LRFN2: variants seen among roughly 807,000 people sequenced by gnomAD.
LRFN2 encodes leucine rich repeat and fibronectin type III domain containing 2.
Under a neutral mutation model 37.3 loss-of-function variants are expected in LRFN2, and 18 were observed. The observed-to-expected ratio is 0.48, with a 90% CI of 0.33 to 0.72. The LOEUF is 0.72. LRFN2 is among the 30% of genes least tolerant of loss of function. The probability of loss-of-function intolerance (pLI) is 0.02; values close to 1 mark genes in which losing one functional copy is unlikely to be tolerated. For missense variants in LRFN2, 1,006 were observed against 1,060.7 expected (o/e 0.95, Z 0.72); for synonymous variants, 556 against 466.6 (o/e 1.19, Z -2.47).
chr6:40,445,788 G>A (rs1763955848), intron 1 of LRFN2, among the ~76,000 whole-genome samples: 1 of 152,152 alleles, frequency 6.6e-6, no homozygotes, highest in South Asian at 2.1e-4. Context: ...TTCAATCCTG[G>A]CCTGCCTCTT....
At chr6:40,558,507 C>G (rs1000820470) in intron 1 of LRFN2, among the ~76,000 whole-genome samples, 1 of 152,050 alleles carries the variant, frequency 6.6e-6, no homozygotes, top group African/African-American at 2.4e-5. Context: ...AGTCAGTGAG[C>G]TGAGGGTGAA....
intron 2 of LRFN2, among the ~76,000 whole-genome samples, chr6:40,431,509 C>T (rs1581699085): frequency 6.6e-6 from 1 of 152,190 alleles, no homozygotes; most frequent in Non-Finnish European, 1.5e-5. Context: ...TCAGGCTGCC[C>T]GTGTGGATTC....
At chr6:40,470,942 C>T (rs151103022) in intron 1 of LRFN2, among the ~76,000 whole-genome samples, 3 of 152,300 alleles carry the variant, frequency 2.0e-5, no homozygotes, top group East Asian at 3.9e-4. Flanking sequence ...CCTCATCCTA[C>T]GGAGGATTGC....
chr6:40,443,792 C>T lies in LRFN2; in HGVS notation c.-18-10661G>A, dbSNP rs142125033. Reference sequence around the variant, plus strand: ...GGGTGGGGGAACAAAGAAGAGGTGGCATAGCACCCAGTGGGTGGCAACAGA... The same window carrying T: ...GGGTGGGGGAACAAAGAAGAGGTGGTATAGCACCCAGTGGGTGGCAACAGA... On this transcript the variant is annotated intron_variant, in intron 1 of 2. Coordinates refer to ENST00000338305, the MANE Select transcript of LRFN2 (RefSeq NM_020737.3). 5.6e-4 allele frequency among the ~76,000 whole-genome samples: 86 copies of T among 152,242 alleles called. No homozygotes were observed. In the East Asian group the frequency reaches 0.01, roughly 18 times the overall value.
chr6:40,539,866 G>A (rs1234819288), intron 1 of LRFN2, among the ~76,000 whole-genome samples: 2 of 152,098 alleles, frequency 1.3e-5, no homozygotes. Context: ...GTAGGTCATC[G>A]ATGTCATGAT....
At chr6:40,556,716 G>GACAC (rs35308131) in intron 1 of LRFN2, among the ~76,000 whole-genome samples, 2,533 of 120,872 alleles carry the variant, frequency 0.021, 66 homozygotes, top group South Asian at 0.051. Flanking sequence ...TACCTACATA[G>GACAC]ACACACACAC....
Position 40,432,965 on chromosome 6 carries a change from A to G in LRFN2, c.149T>C (p.Ile50Thr). Reference protein sequence around the residue: ...SKGLLFVPPDIDRRTVELRLG... With the variant: ...SKGLLFVPPDTDRRTVELRLG... ...GCGCAGCTCCACTGTCCGCCGGTCA[A>G]TATCAGGGGGTACAAAGAGCAGCCC... Residue 50 changes from isoleucine to threonine, a missense_variant, in exon 2 of 3, where the codon ATT becomes ACT. Coordinates refer to ENST00000338305, the MANE Select transcript of LRFN2 (RefSeq NM_020737.3). 6.2e-7 allele frequency: 1 copy of G among 1,613,472 alleles called. No individual in the cohort carries two copies. Among genetic ancestry groups the G allele is most frequent in the Non-Finnish European group, 8.5e-7 (1 of 1,179,574 alleles).
intron 2 of LRFN2, among the ~76,000 whole-genome samples, chr6:40,414,381 C>A (rs1230582383): frequency 1.3e-5 from 2 of 152,118 alleles, no homozygotes; most frequent in African/African-American, 4.8e-5. Context: ...TGCCTCAGTT[C>A]CCCCCTCCTC....
chr6:40,448,893 A>G (rs773329526), intron 1 of LRFN2, among the ~76,000 whole-genome samples: 35 of 152,294 alleles, frequency 2.3e-4, no homozygotes, highest in Non-Finnish European at 4.1e-4. Flanking sequence ...CTGTTTTGCC[A>G]AAGGAAGGAA....
intron 1 of LRFN2, among the ~76,000 whole-genome samples, chr6:40,531,888 C>T (rs1172974600): frequency 6.6e-6 from 1 of 152,180 alleles, no homozygotes; most frequent in Non-Finnish European, 1.5e-5. Context: ...GTGCCACTTT[C>T]TGTCCAAGAA....
chr6:40,525,978 C>T (rs2504844), intron 1 of LRFN2, among the ~76,000 whole-genome samples: 1 of 152,186 alleles, frequency 6.6e-6, no homozygotes, highest in Non-Finnish European at 1.5e-5. Flanking sequence ...CACGAAGGCA[C>T]GAGATCGGTG....
chr6:40,567,793 G>A (rs1195818497), intron 1 of LRFN2, among the ~76,000 whole-genome samples: 3 of 152,164 alleles, frequency 2.0e-5, no homozygotes, highest in East Asian at 1.9e-4. Context: ...GTTCTGACAG[G>A]GTCAAGGGGC....
At chr6:40,421,740 G>A (rs1763233515) in intron 2 of LRFN2, among the ~76,000 whole-genome samples, 1 of 152,130 alleles carries the variant, frequency 6.6e-6, no homozygotes, top group Non-Finnish European at 1.5e-5. Context: ...GGTTAACTTT[G>A]GAATGCTCTT....
intron 2 of LRFN2, among the ~76,000 whole-genome samples, chr6:40,410,198 A>T (rs973557908): frequency 1.3e-5 from 2 of 152,150 alleles, no homozygotes; most frequent in East Asian, 3.9e-4. Flanking sequence ...AGCCATCCTC[A>T]TGTCCAGGCT....
chr6:40,520,676 C>A (rs1277959527), intron 1 of LRFN2, among the ~76,000 whole-genome samples: 1 of 151,918 alleles, frequency 6.6e-6, no homozygotes, highest in African/African-American at 2.4e-5. Flanking sequence ...GTGGTGCCAG[C>A]AAGGAGAGGG....
chr6:40,558,374 G>A (rs1433138687), intron 1 of LRFN2, among the ~76,000 whole-genome samples: 1 of 152,196 alleles, frequency 6.6e-6, no homozygotes, highest in African/African-American at 2.4e-5. Flanking sequence ...ATTGTGGAAG[G>A]TCTAGGCCAC....
intron 1 of LRFN2, among the ~76,000 whole-genome samples, chr6:40,579,541 T>TAC: frequency 1.0e-5 from 1 of 97,218 alleles, no homozygotes; most frequent in African/African-American, 3.9e-5. Context: ...ATCACCACCA[T>TAC]CAGCTTTACA....
At chr6:40,514,811 T>C (rs1765814488) in intron 1 of LRFN2, among the ~76,000 whole-genome samples, 1 of 152,248 alleles carries the variant, frequency 6.6e-6, no homozygotes, top group Non-Finnish European at 1.5e-5. Context: ...TAATACCTAT[T>C]AGCTTCCTGG....
At chr6:40,586,776 G>A (rs1487466239) in intron 1 of LRFN2, among the ~76,000 whole-genome samples, 165 bp downstream of exon 1, 1 of 152,220 alleles carries the variant, frequency 6.6e-6, no homozygotes, top group Non-Finnish European at 1.5e-5. Context: ...ATAAGGATGG[G>A]CGAAAAGAGA....
Sources: allele counts gnomAD v4.1 joint callset (sites outside exome capture counted in the v4.1 genomes callset), GRCh38; gene constraint gnomAD v4.1.1; transcripts MANE v1.5; gene names NCBI Gene and HGNC (gene_info 2026-07-23, HGNC 2026-07-21).